Variants in BATF observed in about 807,000 individuals in gnomAD.
BATF encodes basic leucine zipper transcriptional factor ATF-like.
In BATF, 5 loss-of-function variants were observed where a neutral mutation model predicts 13.7. That is an observed-to-expected ratio of 0.36 (90% CI 0.19 to 0.77). The LOEUF (loss-of-function observed/expected upper bound fraction) is 0.77, where lower values mean the gene tolerates loss of function less well. BATF is among the 30% of genes least tolerant of loss of function. The pLI is 0.51. For synonymous variants in BATF, 72 were observed against 67.5 expected (o/e 1.07, Z -0.33); for missense variants, 124 against 163.0 (o/e 0.76, Z 1.30).
chr14:75,546,327 G>A (rs1288197806), intron 2 of BATF, 135 bp from the exon 3 acceptor site: 1 of 857,106 alleles, frequency 1.2e-6, no homozygotes, highest in African/African-American at 1.7e-5. Flanking sequence ...ACACGTGCAG[G>A]AAAATTCTCT....
intron 2 of BATF, among the ~76,000 whole-genome samples, chr14:75,538,935 A>C (rs1285162286): frequency 6.6e-6 from 1 of 151,882 alleles, no homozygotes; most frequent in African/African-American, 2.4e-5. Context: ...AACTATTCAA[A>C]CCCTTGCTTT....
intron 2 of BATF, among the ~76,000 whole-genome samples, chr14:75,534,257 T>C (rs780026017): frequency 1.3e-5 from 2 of 152,188 alleles, no homozygotes; most frequent in Non-Finnish European, 2.9e-5. Flanking sequence ...AGGACTCCAA[T>C]AGACAAGTGG....
chr14:75,522,976 C>T (rs1474541377), intron 1 of BATF, among the ~76,000 whole-genome samples: 1 of 152,174 alleles, frequency 6.6e-6, no homozygotes, highest in African/African-American at 2.4e-5. Flanking sequence ...TTTTCCAAGG[C>T]TGCCTATCAC....
chr14:75,546,980 G>A lies in BATF; in HGVS notation c.*309G>A, dbSNP rs1888000035. 4.3e-6 allele frequency: 3 copies of A among 702,512 alleles called. No homozygotes were observed. The highest frequency in any genetic ancestry group is 2.3e-4 in the Middle Eastern group (1 of 4,364). 43.5% of individuals were successfully genotyped at this position (702,512 alleles called of 1,614,324 possible). A position where few individuals can be genotyped will look rare whatever the true frequency, so the allele number is the denominator to read the frequency against. Reference sequence around the variant, plus strand: ...GGAACGGTTATTTTTCTAAATAAATGCTTTAAAAGAAACCAGTCTGACAAG... The same window carrying A: ...GGAACGGTTATTTTTCTAAATAAATACTTTAAAAGAAACCAGTCTGACAAG... On this transcript the variant is annotated 3_prime_UTR_variant, in exon 3 of 3. Transcript: ENST00000286639.
At chr14:75,542,950 C>T (rs763691776) in intron 2 of BATF, among the ~76,000 whole-genome samples, 4 of 152,166 alleles carry the variant, frequency 2.6e-5, no homozygotes, top group African/African-American at 7.2e-5. Flanking sequence ...AGCCTCTAGG[C>T]GGGGAGAAGG....
intron 1 of BATF, 28 bp from the exon 2 acceptor site, chr14:75,525,056 T>C (rs201306731): frequency 1.3e-6 from 2 of 1,578,328 alleles, no homozygotes; most frequent in African/African-American, 2.7e-5. Flanking sequence ...TGCAGACCCA[T>C]GTAATCCTCC....
intron 2 of BATF, among the ~76,000 whole-genome samples, chr14:75,543,489 T>A (rs560357050): frequency 6.6e-6 from 1 of 152,302 alleles, no homozygotes; most frequent in East Asian, 1.9e-4. Flanking sequence ...GGGTTTAAGA[T>A]GATTGACAGT....
chr14:75,546,891 G>T lies in BATF; in HGVS notation c.*220G>T, dbSNP rs757106461. On this transcript the variant is annotated 3_prime_UTR_variant, in exon 3 of 3. Transcript: ENST00000286639. ...CTGGACCCCACCACTGTGGGTTGCA[G>T]GCCCAATGCAGAAGAGTATTAAGAA... is the stretch of plus-strand genomic sequence containing the variant. 6 of 721,346 alleles carry T rather than the reference G, an allele frequency of 8.3e-6. No homozygotes were observed. In the African/African-American group the frequency reaches 8.7e-5, roughly 10 times the overall value. The allele number at this position is 721,346 out of a possible 1,614,324, so 44.7% of individuals were successfully genotyped here.
At chr14:75,539,791 G>A (rs909577178) in intron 2 of BATF, among the ~76,000 whole-genome samples, 3 of 152,130 alleles carry the variant, frequency 2.0e-5, no homozygotes, top group Non-Finnish European at 4.4e-5. Context: ...TAAGGTGAGA[G>A]GCAGCAGTTG....
At chr14:75,544,264 T>C (rs185443215) in intron 2 of BATF, among the ~76,000 whole-genome samples, 4 of 152,240 alleles carry the variant, frequency 2.6e-5, no homozygotes, top group African/African-American at 7.2e-5. Context: ...TTATTATTAT[T>C]TTTTTAATTC....
intron 2 of BATF, among the ~76,000 whole-genome samples, chr14:75,537,949 A>C (rs112574445): frequency 4.8e-4 from 73 of 152,246 alleles, no homozygotes; most frequent in African/African-American, 1.7e-3. Flanking sequence ...ATCAAACACT[A>C]TATAGTTATG....
chr14:75,538,672 C>A (rs567763590), intron 2 of BATF, among the ~76,000 whole-genome samples: 5 of 152,302 alleles, frequency 3.3e-5, no homozygotes, highest in African/African-American at 1.2e-4. Context: ...GAGCCCGAGG[C>A]GGGTGGATCA....
In BATF at chr14:75,525,417, T is replaced by A. The variant is rs375436752; in HGVS notation, c.168+229T>A. On this transcript the variant is annotated intron_variant, in intron 2 of 2. Coordinates refer to ENST00000286639, the MANE Select transcript of BATF (RefSeq NM_006399.5). ...GTGGCTCACACCTGTAATCCCAGCA[T>A]TTTGGGAGGCCAAGGCGGGTGGGTC... Among the ~76,000 whole-genome samples, 269 of 151,728 alleles carry A rather than the reference T, an allele frequency of 1.8e-3. 4 individuals carry two copies. In the South Asian group the frequency reaches 0.042, roughly 24 times the overall value.
chr14:75,546,393 C>T (rs1249707532), intron 2 of BATF, 69 bp from the exon 3 acceptor site: 35 of 1,536,282 alleles, frequency 2.3e-5, no homozygotes, highest in Non-Finnish European at 3.1e-5. Context: ...CTCCTGTGTC[C>T]CTCCGCACCC....
intron 2 of BATF, among the ~76,000 whole-genome samples, chr14:75,528,992 G>T (rs1219600934): frequency 6.6e-6 from 1 of 152,122 alleles, no homozygotes; most frequent in Non-Finnish European, 1.5e-5. Context: ...TAATTGGAAA[G>T]ATATACCTTA....
At chr14:75,535,377 C>T (rs1045668202) in intron 2 of BATF, among the ~76,000 whole-genome samples, 13 of 152,150 alleles carry the variant, frequency 8.5e-5, no homozygotes, top group Admixed American at 1.3e-4. Context: ...CATCACTGCA[C>T]TCTGGACTGG....
intron 2 of BATF, among the ~76,000 whole-genome samples, chr14:75,538,021 C>T (rs766269916): frequency 1.4e-4 from 22 of 152,192 alleles, no homozygotes; most frequent in East Asian, 5.8e-4. Flanking sequence ...TGCAGTGGTG[C>T]GATCATGGCT....
At chr14:75,533,666 G>T (rs1356107450) in intron 2 of BATF, among the ~76,000 whole-genome samples, 1 of 152,104 alleles carries the variant, frequency 6.6e-6, no homozygotes, top group East Asian at 1.9e-4. Flanking sequence ...AGGAGGGGTG[G>T]GTTGGGTCCA....
intron 2 of BATF, among the ~76,000 whole-genome samples, chr14:75,544,626 A>G (rs1286831768): frequency 6.6e-6 from 1 of 151,448 alleles, no homozygotes; most frequent in Non-Finnish European, 1.5e-5. Flanking sequence ...TCCCAAAACC[A>G]CTGATTCACA....
Sources: gnomAD v4.1 joint callset for allele counts (sites outside exome capture counted in the v4.1 genomes callset) on GRCh38, gnomAD v4.1.1 for gene constraint, MANE v1.5 for transcripts, NCBI Gene and HGNC (gene_info 2026-07-23, HGNC 2026-07-21) for gene names.